Variants in BCAS3 observed in about 807,000 individuals in gnomAD.
The protein encoded by BCAS3 is BCAS3 microtubule associated cell migration factor.
In BCAS3, 53 loss-of-function variants were observed where a neutral mutation model predicts 116.1. The observed-to-expected ratio is 0.46, with a 90% CI of 0.37 to 0.57. The LOEUF (loss-of-function observed/expected upper bound fraction) is 0.57. BCAS3 is among the 20% of genes least tolerant of loss of function. The pLI, the probability that BCAS3 is intolerant of heterozygous loss-of-function variation, is 0.00. For synonymous variants in BCAS3, 391 were observed against 408.2 expected (o/e 0.96, Z 0.51); for missense variants, 917 against 1,165.4 (o/e 0.79, Z 3.10).
rs1402327850 is a variant in BCAS3, at chr17:61,200,501, C to T, written c.2425+115937C>T. ...AAAGGGCCCTCGGCTTGCCGAAGGC[C>T]GTATGGTAAATCAATGACCGAGCTG... On this transcript the variant is annotated intron_variant, in intron 22 of 23. Transcript: ENST00000407086. The surrounding 1 kb of genome is among the most constrained non-coding windows in gnomAD (Gnocchi z 5.1). 6.6e-6 allele frequency among the ~76,000 whole-genome samples: 1 copy of T among 152,126 alleles called. No individual in the cohort carries two copies. The highest frequency in any genetic ancestry group is 1.9e-4 in the East Asian group (1 of 5,190).
chr17:61,309,000 G>T lies in BCAS3; in HGVS notation c.2426-59327G>T, dbSNP rs1355945827. On this transcript the variant is annotated intron_variant, in intron 22 of 23. Transcript: ENST00000407086. ...TGTGTCTCCTCTCTCCAGCCATGTG[G>T]CCTCCCCCAGCAGAGGCTTTGAGGA... Among the ~76,000 whole-genome samples the T allele has an allele frequency of 2.0e-5, 3 of 152,118 alleles. No individual in the cohort carries two copies. The East Asian group carries it at 5.8e-4, about 29-fold the overall frequency.
chr17:60,714,565 A>T (rs1292506700), intron 5 of BCAS3, among the ~76,000 whole-genome samples: 4 of 152,106 alleles, frequency 2.6e-5, no homozygotes, highest in African/African-American at 9.6e-5. Flanking sequence ...AGGCAGGAGA[A>T]TTGCTTGAAC....
chr17:60,685,399 G>A (rs1007658244), intron 3 of BCAS3, among the ~76,000 whole-genome samples: 3 of 145,460 alleles, frequency 2.1e-5, no homozygotes, highest in African/African-American at 5.2e-5. Context: ...GCAGTGAGCT[G>A]AGATCGCATC....
chr17:60,952,192 G>A (rs140474964), intron 14 of BCAS3, among the ~76,000 whole-genome samples: 3 of 151,946 alleles, frequency 2.0e-5, no homozygotes, highest in African/African-American at 7.2e-5. Context: ...TTGTGTTCTT[G>A]TTGCTACAGT....
At position 61,020,326 on chromosome 17, in the gene BCAS3, G is replaced by A. The variant is rs1029942683; in HGVS notation, c.1637+4425G>A. On this transcript the variant is annotated intron_variant, in intron 16 of 23. Transcript: ENST00000407086. The surrounding 1 kb of genome is among the most constrained non-coding windows in gnomAD (Gnocchi z 4.5). Reference sequence around the variant, plus strand: ...TCACTGCGAGACATACATGAGGCCAGTAGAACTACAAATAGCAGAAGACAG... The same window carrying A: ...TCACTGCGAGACATACATGAGGCCAATAGAACTACAAATAGCAGAAGACAG... Among the ~76,000 whole-genome samples the A allele has an allele frequency of 2.1e-4, 32 of 152,200 alleles. No homozygotes were observed. Among genetic ancestry groups the A allele is most frequent in the Non-Finnish European group, 3.8e-4 (26 of 68,044 alleles).
chr17:60,720,608 A>G (rs914656086), intron 5 of BCAS3, among the ~76,000 whole-genome samples: 5 of 152,248 alleles, frequency 3.3e-5, no homozygotes, highest in Non-Finnish European at 5.9e-5. Context: ...TATTTGGGAA[A>G]AAAGTAAAAA....
chr17:60,879,003 AC>A (rs2144936114), intron 9 of BCAS3, among the ~76,000 whole-genome samples: 1 of 152,154 alleles, frequency 6.6e-6, no homozygotes, highest in East Asian at 1.9e-4. Flanking sequence ...ACAGACTGAA[AC>A]TTTTGTCAGG....
chr17:61,242,080 C>A (rs558813444), intron 22 of BCAS3, among the ~76,000 whole-genome samples: 2 of 152,044 alleles, frequency 1.3e-5, no homozygotes, highest in Non-Finnish European at 2.9e-5. Flanking sequence ...AATTCGAAAC[C>A]AGCCTGACCA....
At chr17:60,859,304 A>G (rs955350999) in intron 7 of BCAS3, among the ~76,000 whole-genome samples, 9 of 152,084 alleles carry the variant, frequency 5.9e-5, no homozygotes, top group African/African-American at 2.2e-4. Context: ...GGTAGTGAGC[A>G]TAGTACCCGA....
chr17:61,008,482 T>A lies in BCAS3; in HGVS notation c.1487-7269T>A, dbSNP rs1470097689. ...CAAGAACTAAGCAGTGTTTTTAACT[T>A]TTCAGAGCCCACATTTCCAGTGACT... On this transcript the variant is annotated intron_variant, in intron 15 of 23. Transcript: ENST00000407086. The surrounding 1 kb of genome is among the most constrained non-coding windows in gnomAD (Gnocchi z 4.6). 6.6e-6 allele frequency among the ~76,000 whole-genome samples: 1 copy of A among 152,090 alleles called. No homozygotes were observed. The highest frequency in any genetic ancestry group is 1.5e-5 in the Non-Finnish European group (1 of 67,974).
chr17:60,757,261 G>C (rs2144326756), intron 6 of BCAS3, among the ~76,000 whole-genome samples: 1 of 151,958 alleles, frequency 6.6e-6, no homozygotes, highest in East Asian at 1.9e-4. Flanking sequence ...GTTGCAGTGA[G>C]CTGAGATCGC....
In BCAS3 at chr17:61,057,686, T is replaced by TC. The variant is rs369543964; in HGVS notation, c.2029+16795dup. ...CTTTGTCTTGTTACTTTTTTTTTTT[T>TC]CACATTTTATGTAGCAACAGGATTT... On this transcript the variant is annotated intron_variant, in intron 19 of 23. Coordinates refer to ENST00000407086, the MANE Select transcript of BCAS3 (RefSeq NM_017679.5). Among the ~76,000 whole-genome samples, 521 of 152,036 alleles carry TC rather than the reference T, an allele frequency of 3.4e-3. 3 individuals are homozygous for TC. Among genetic ancestry groups the TC allele is most frequent in the Admixed American group, 0.014 (220 of 15,276 alleles).
At chr17:60,776,641 C>T (rs1051299565) in intron 6 of BCAS3, among the ~76,000 whole-genome samples, 4 of 151,144 alleles carry the variant, frequency 2.6e-5, no homozygotes, top group African/African-American at 7.3e-5. Context: ...ATCGCTTGAA[C>T]CTGGGAGATG....
intron 12 of BCAS3, among the ~76,000 whole-genome samples, chr17:60,911,589 C>T (rs190629193): frequency 6.6e-5 from 10 of 152,300 alleles, no homozygotes; most frequent in Non-Finnish European, 1.2e-4. Context: ...TGAGCCACCG[C>T]GCCCAGCCTT....
At chr17:60,822,412 G>A (rs1041638562) in intron 7 of BCAS3, among the ~76,000 whole-genome samples, 1 of 152,038 alleles carries the variant, frequency 6.6e-6, no homozygotes, top group Non-Finnish European at 1.5e-5. Flanking sequence ...TGGCCATTTT[G>A]AGTTTGTGAA....
chr17:61,025,990 T>C (rs945956697), intron 16 of BCAS3, among the ~76,000 whole-genome samples: 1 of 147,646 alleles, frequency 6.8e-6, no homozygotes, highest in East Asian at 1.9e-4. Context: ...CAATGTGCTT[T>C]TCTCCTCCAT....
chr17:60,788,346 A>T (rs1426843879), intron 6 of BCAS3, among the ~76,000 whole-genome samples: 1 of 152,180 alleles, frequency 6.6e-6, no homozygotes, highest in African/African-American at 2.4e-5. Flanking sequence ...TATAAAATGG[A>T]AGATTTGTGT....
chr17:61,338,428 G>T (rs1163063885), intron 22 of BCAS3, among the ~76,000 whole-genome samples: 1 of 144,392 alleles, frequency 6.9e-6, no homozygotes, highest in African/African-American at 2.5e-5. Context: ...AAAAGATTGT[G>T]TGGGTTCTGT....
intron 22 of BCAS3, among the ~76,000 whole-genome samples, chr17:61,342,226 C>G (rs1415607816): frequency 6.6e-6 from 1 of 152,234 alleles, no homozygotes; most frequent in African/African-American, 2.4e-5. Flanking sequence ...AGAAGCTACT[C>G]TGGCACCATA....
Sources: gnomAD v4.1 joint callset for allele counts (sites outside exome capture counted in the v4.1 genomes callset) on GRCh38, gnomAD v4.1.1 for gene constraint, Gnocchi (gnomAD v3.1) non-coding constraint, MANE v1.5 for transcripts, NCBI Gene and HGNC (gene_info 2026-07-23, HGNC 2026-07-21) for gene names.